The following CNTNAP2 variants were observed in gnomAD, a reference collection of about 807,000 sequenced individuals.
The protein encoded by CNTNAP2 is contactin associated protein 2, also known as contactin-associated protein-like 2.
Under a neutral mutation model 155.2 loss-of-function variants are expected in CNTNAP2, and 98 were observed. The observed-to-expected ratio is 0.63, with a 90% CI of 0.54 to 0.75. The LOEUF (loss-of-function observed/expected upper bound fraction) is 0.75, where lower values mean the gene tolerates loss of function less well. Among genes scored for constraint, CNTNAP2 ranks in the 30% least tolerant of loss-of-function variants. The pLI is 0.00. For missense variants in CNTNAP2, 1,727 were observed against 1,688.1 expected, an observed-to-expected ratio of 1.02 and a Z score of -0.40; for synonymous variants, 651 against 631.2, an observed-to-expected ratio of 1.03 and a Z score of -0.47.
chr7:146,392,565 C>T (rs1259189002), intron 1 of CNTNAP2, among the ~76,000 whole-genome samples: 1 of 152,094 alleles, frequency 6.6e-6, no homozygotes, highest in Non-Finnish European at 1.5e-5. Context: ...AGAAAATATT[C>T]GGAATTTATG....
chr7:146,198,696 A>G (rs892273809), intron 1 of CNTNAP2, among the ~76,000 whole-genome samples: 5 of 152,160 alleles, frequency 3.3e-5, no homozygotes, highest in Non-Finnish European at 7.3e-5. Flanking sequence ...AATGTTGTCA[A>G]ATTTGAAATC....
intron 9 of CNTNAP2, among the ~76,000 whole-genome samples, chr7:147,306,899 A>C (rs186527308): frequency 1.3e-5 from 2 of 152,326 alleles, no homozygotes; most frequent in East Asian, 3.9e-4. Flanking sequence ...ATAATACTGG[A>C]AATAAAACAA....
rs972973025 is a variant in CNTNAP2, at chr7:147,648,180, A to G, written c.2098+8874A>G. 3.3e-5 allele frequency among the ~76,000 whole-genome samples: 5 copies of G among 152,212 alleles called. No individual in the cohort carries two copies. In the East Asian group the frequency reaches 9.6e-4, roughly 29 times the overall value. The stretch of plus-strand genomic sequence containing the variant: ...TTGTAAGTAAATTTATAAACTGAGA[A>G]GGAGACATTGGAGAGGTTCAGATTA... On this transcript the variant is annotated intron_variant, in intron 13 of 23. Transcript: ENST00000361727.
chr7:146,202,600 C>A (rs1177324672), intron 1 of CNTNAP2, among the ~76,000 whole-genome samples: 1 of 151,594 alleles, frequency 6.6e-6, no homozygotes, highest in African/African-American at 2.4e-5. Context: ...TTTAAATAGC[C>A]AAAATATTTA....
chr7:146,940,780 G>T (rs1230288465), intron 3 of CNTNAP2, among the ~76,000 whole-genome samples: 2 of 151,258 alleles, frequency 1.3e-5, no homozygotes, highest in East Asian at 3.9e-4. Context: ...TATACATACA[G>T]TTGCTGTATA....
intron 1 of CNTNAP2, among the ~76,000 whole-genome samples, chr7:146,339,996 C>T (rs1451565008): frequency 1.3e-5 from 2 of 151,640 alleles, no homozygotes. Context: ...GGTGAAACCC[C>T]GTCTCTACTA....
intron 1 of CNTNAP2, among the ~76,000 whole-genome samples, chr7:146,485,109 C>T (rs1170881214): frequency 6.6e-6 from 1 of 151,724 alleles, no homozygotes; most frequent in African/African-American, 2.4e-5. Flanking sequence ...TAACTTTAGG[C>T]TTTTATGATC....
At chr7:147,292,211 AT>A (rs1014252451) in intron 8 of CNTNAP2, among the ~76,000 whole-genome samples, 1 of 152,034 alleles carries the variant, frequency 6.6e-6, no homozygotes, top group Non-Finnish European at 1.5e-5. Flanking sequence ...TTTTTGTTTG[AT>A]TGTATAAAGT....
intron 6 of CNTNAP2, among the ~76,000 whole-genome samples, chr7:147,124,253 G>T (rs1424948190): frequency 6.6e-6 from 1 of 152,096 alleles, no homozygotes; most frequent in African/African-American, 2.4e-5. Flanking sequence ...GGAAGAGAAA[G>T]CTCGTCTTGT....
At chr7:146,164,004 A>G (rs1457338588) in intron 1 of CNTNAP2, among the ~76,000 whole-genome samples, 1 of 152,150 alleles carries the variant, frequency 6.6e-6, no homozygotes, top group Non-Finnish European at 1.5e-5. Flanking sequence ...AAATCAGTAC[A>G]CACAGTTCTG....
chr7:147,476,713 A>G (rs911280150), intron 10 of CNTNAP2, among the ~76,000 whole-genome samples: 2 of 151,944 alleles, frequency 1.3e-5, no homozygotes, highest in Non-Finnish European at 2.9e-5. Context: ...GATCACTTGA[A>G]GTCAGGAGTT....
At chr7:146,684,800 A>G (rs1187232276) in intron 1 of CNTNAP2, among the ~76,000 whole-genome samples, 1 of 152,158 alleles carries the variant, frequency 6.6e-6, no homozygotes, top group African/African-American at 2.4e-5. Flanking sequence ...TTTTCAAAGA[A>G]TCAGGAAACC....
chr7:147,065,764 G>A (rs1206522139), intron 4 of CNTNAP2, among the ~76,000 whole-genome samples: 2 of 152,138 alleles, frequency 1.3e-5, no homozygotes, highest in Non-Finnish European at 2.9e-5. Context: ...ATCTCAAAAT[G>A]TAAGTTGCAC....
intron 16 of CNTNAP2, among the ~76,000 whole-genome samples, chr7:148,127,943 CACCATA>C (rs924931310): frequency 6.6e-6 from 1 of 152,142 alleles, no homozygotes; most frequent in African/African-American, 2.4e-5. Flanking sequence ...AATCTTGGCT[CACCATA>C]ACCTCCACCT....
rs1800027117 is a variant in CNTNAP2 at position 148,417,730 on chromosome 7, C to T, written c.*2114C>T. 6.6e-6 allele frequency: 1 copy of T among 152,204 alleles called. No individual in the cohort carries two copies. Among genetic ancestry groups the T allele is most frequent in the African/African-American group, 2.4e-5 (1 of 41,442 alleles). The allele number at this position is 152,204 out of a possible 1,614,324, so 9.4% of individuals were successfully genotyped here. A position where few individuals can be genotyped will look rare whatever the true frequency, so the allele number is the denominator to read the frequency against. On this transcript the variant is annotated 3_prime_UTR_variant, in exon 24 of 24. Coordinates refer to ENST00000361727, the MANE Select transcript of CNTNAP2 (RefSeq NM_014141.6). ...TTTACAGGTATTACTTCTGCACTTA[C>T]CAAATAATGCCAGATGGAAATTTAT...
chr7:147,457,530 C>T (rs1242487062), intron 10 of CNTNAP2, among the ~76,000 whole-genome samples: 1 of 149,298 alleles, frequency 6.7e-6, no homozygotes, highest in Non-Finnish European at 1.5e-5. Context: ...TATCTCCTGT[C>T]GTGAGACTAC....
intron 21 of CNTNAP2, among the ~76,000 whole-genome samples, chr7:148,300,980 C>T (rs1217295731): frequency 1.3e-5 from 2 of 152,008 alleles, no homozygotes; most frequent in African/African-American, 4.8e-5. Flanking sequence ...CACTTAATGC[C>T]ACTGACTTGT....
chr7:146,934,204 A>T (rs1197711276), intron 3 of CNTNAP2, among the ~76,000 whole-genome samples: 2 of 152,132 alleles, frequency 1.3e-5, no homozygotes, highest in East Asian at 3.9e-4. Context: ...ATGTCCAACA[A>T]TGATAGACTG....
chr7:148,327,292 G>A (rs1223392826), intron 21 of CNTNAP2, among the ~76,000 whole-genome samples: 1 of 152,156 alleles, frequency 6.6e-6, no homozygotes, highest in Non-Finnish European at 1.5e-5. Context: ...CCGACATGAT[G>A]TACCTTTGCC....
Sources: gnomAD v4.1 joint callset for allele counts (sites outside exome capture counted in the v4.1 genomes callset) on GRCh38, gnomAD v4.1.1 for gene constraint, MANE v1.5 for transcripts, NCBI Gene and HGNC (gene_info 2026-07-23, HGNC 2026-07-21) for gene names.